PRELID2: variants seen among roughly 807,000 people sequenced by gnomAD.
PRELID2 encodes the protein PRELI domain-containing protein 2.
In PRELID2, 25 loss-of-function variants were observed where a neutral mutation model predicts 28.4. The ratio of observed to expected loss-of-function variants is 0.88; its 90% CI spans 0.64 to 1.23. The LOEUF is 1.23. PRELID2 is among the 50% of genes most tolerant of loss of function. PRELID2 has a pLI of 0.00. For synonymous variants in PRELID2, 76 were observed against 71.6 expected (o/e 1.06, Z -0.31); for missense variants, 201 against 214.4 (o/e 0.94, Z 0.39).
chr5:145,410,492 A>T, the PRELID2 span, among the ~76,000 whole-genome samples: 1 of 152,204 alleles, frequency 6.6e-6, no homozygotes, highest in Non-Finnish European at 1.5e-5. Context: ...TAATTGACTT[A>T]CTGTTCTGCA....
At chr5:145,741,635 AATT>A (rs1756764983) in intron 1 of PRELID2, among the ~76,000 whole-genome samples, 2 of 20,874 alleles carry the variant, frequency 9.6e-5, no homozygotes, top group Admixed American at 9.7e-4. Flanking sequence ...ATTTATTTAT[AATT>A]TATTTATATA....
chr5:145,284,477 G>A, the PRELID2 span, among the ~76,000 whole-genome samples: 1 of 152,058 alleles, frequency 6.6e-6, no homozygotes. Flanking sequence ...GTATAAGGAG[G>A]CAAAAGATGA....
At chr5:145,277,715 T>TTTA in the PRELID2 span, among the ~76,000 whole-genome samples, 11 of 152,240 alleles carry the variant, frequency 7.2e-5, no homozygotes, top group Non-Finnish European at 1.0e-4. Context: ...AGAGAGCTAT[T>TTTA]TTACCCAAGG....
chr5:145,732,430 T>C (rs1471316076), intron 1 of PRELID2, among the ~76,000 whole-genome samples: 1 of 152,240 alleles, frequency 6.6e-6, no homozygotes, highest in African/African-American at 2.4e-5. Flanking sequence ...TAGAACTTTC[T>C]ACATTGATGG....
intron 1 of PRELID2, among the ~76,000 whole-genome samples, chr5:145,669,590 T>C (rs1199477315): frequency 6.6e-6 from 1 of 152,102 alleles, no homozygotes; most frequent in Non-Finnish European, 1.5e-5. Flanking sequence ...CTGATTCAAA[T>C]TTCAACCAAG....
chr5:145,683,447 A>G (rs1754977260), intron 1 of PRELID2, among the ~76,000 whole-genome samples: 3 of 152,226 alleles, frequency 2.0e-5, no homozygotes, highest in Non-Finnish European at 4.4e-5. Flanking sequence ...ATCTTCTCAT[A>G]GTTCTGAAGG....
intron 1 of PRELID2, among the ~76,000 whole-genome samples, chr5:145,641,283 A>G (rs1754102194): frequency 6.6e-6 from 1 of 152,182 alleles, no homozygotes; most frequent in Non-Finnish European, 1.5e-5. Context: ...CAAAACTACT[A>G]TAAATCAATC....
At chr5:145,456,747 T>C in the PRELID2 span, among the ~76,000 whole-genome samples, 3 of 152,208 alleles carry the variant, frequency 2.0e-5, no homozygotes, top group Non-Finnish European at 2.9e-5. Flanking sequence ...TAATTTCAAA[T>C]TTATAAATGT....
At chr5:145,367,015 G>C in the PRELID2 span, among the ~76,000 whole-genome samples, 1 of 150,268 alleles carries the variant, frequency 6.7e-6, no homozygotes, top group Non-Finnish European at 1.5e-5. Context: ...CAGGTTTCTA[G>C]CATTTTTTCC....
At chr5:145,564,442 A>T (rs1461224920) in intron 1 of PRELID2, among the ~76,000 whole-genome samples, 5 of 152,084 alleles carry the variant, frequency 3.3e-5, no homozygotes, top group Non-Finnish European at 7.4e-5. Context: ...GCATGTGCTC[A>T]TCCCTCTGGC....
At chr5:145,291,228 T>C in the PRELID2 span, among the ~76,000 whole-genome samples, 1 of 148,940 alleles carries the variant, frequency 6.7e-6, no homozygotes, top group South Asian at 2.1e-4. Context: ...CTCCAGCTAC[T>C]CCGGAGGCTG....
the PRELID2 span, chr5:145,441,252 T>C: frequency 2.0e-5 from 3 of 152,000 alleles, no homozygotes; most frequent in African/African-American, 7.2e-5. Flanking sequence ...CCAACAACTC[T>C]CAAAGTTTCT....
At chr5:145,772,366 C>T (rs149522857) in intron 5 of PRELID2, among the ~76,000 whole-genome samples, 1 of 152,238 alleles carries the variant, frequency 6.6e-6, no homozygotes, top group Non-Finnish European at 1.5e-5. Context: ...AAAGTGAAAA[C>T]CCCCGACACA....
At chr5:145,584,990 G>A (rs1266854029) in intron 1 of PRELID2, among the ~76,000 whole-genome samples, 1 of 152,092 alleles carries the variant, frequency 6.6e-6, no homozygotes, top group African/African-American at 2.4e-5. Flanking sequence ...GCATGTGTAT[G>A]TTCACTGCAG....
chr5:145,381,355 G>A, the PRELID2 span, among the ~76,000 whole-genome samples: 2 of 152,172 alleles, frequency 1.3e-5, no homozygotes, highest in African/African-American at 4.8e-5. Flanking sequence ...GAATGGCACA[G>A]AGTGGGGAGC....
At chr5:145,430,719 C>T in the PRELID2 span, among the ~76,000 whole-genome samples, 6 of 152,244 alleles carry the variant, frequency 3.9e-5, no homozygotes, top group Non-Finnish European at 5.9e-5. Context: ...GCCCAGGACT[C>T]GTTTCATGAA....
At chr5:145,738,930 A>T (rs531657566) in intron 1 of PRELID2, among the ~76,000 whole-genome samples, 2 of 152,330 alleles carry the variant, frequency 1.3e-5, no homozygotes, top group African/African-American at 2.4e-5. Flanking sequence ...AAAAAATCTT[A>T]AAAAACTGTG....
chr5:145,568,854 T>C (rs979848979), intron 1 of PRELID2, among the ~76,000 whole-genome samples: 2 of 152,226 alleles, frequency 1.3e-5, no homozygotes, highest in Non-Finnish European at 2.9e-5. Flanking sequence ...GGACAGGATG[T>C]TACACACTGT....
At chr5:145,260,807 G>A in the PRELID2 span, among the ~76,000 whole-genome samples, 1 of 152,238 alleles carries the variant, frequency 6.6e-6, no homozygotes, top group African/African-American at 2.4e-5. Context: ...AATGCCAAGA[G>A]AATCTACAGA....
Sources: gnomAD v4.1 joint callset for allele counts (sites outside exome capture counted in the v4.1 genomes callset) on GRCh38, gnomAD v4.1.1 for gene constraint, MANE v1.5 for transcripts, NCBI Gene and HGNC (gene_info 2026-07-23, HGNC 2026-07-21) for gene names.